IMMP2L: variants seen among roughly 807,000 people sequenced by gnomAD.
The protein encoded by IMMP2L is mitochondrial inner membrane protease subunit 2.
IMMP2L carries 18 observed loss-of-function variants against 19.3 expected under a neutral mutation model. The ratio of observed to expected loss-of-function variants is 0.93; its 90% CI spans 0.64 to 1.38. IMMP2L has a LOEUF of 1.38. IMMP2L is among the 40% of genes most tolerant of loss of function. IMMP2L has a pLI of 0.00. For synonymous variants in IMMP2L, 76 were observed against 73.0 expected (o/e 1.04, Z -0.21); for missense variants, 233 against 218.2 (o/e 1.07, Z -0.43).
At chr7:111,308,543 T>C (rs1399936638) in intron 3 of IMMP2L, among the ~76,000 whole-genome samples, 1 of 151,954 alleles carries the variant, frequency 6.6e-6, no homozygotes, top group Non-Finnish European at 1.5e-5. Flanking sequence ...AGAAAAATAT[T>C]ATAAAATTGA....
chr7:110,873,624 A>C (rs79174345), intron 5 of IMMP2L, among the ~76,000 whole-genome samples: 2 of 148,412 alleles, frequency 1.3e-5, no homozygotes, highest in Admixed American at 6.7e-5. Flanking sequence ...AAAAAAAAAA[A>C]TTAGCCAGGC....
chr7:110,675,392 T>C (rs925256442), intron 5 of IMMP2L, among the ~76,000 whole-genome samples: 3 of 152,082 alleles, frequency 2.0e-5, no homozygotes, highest in Non-Finnish European at 4.4e-5. Flanking sequence ...AGTTCTCCCA[T>C]AGTTTTTCTC....
chr7:111,338,116 A>C (rs1208401830), intron 3 of IMMP2L, among the ~76,000 whole-genome samples: 1 of 152,148 alleles, frequency 6.6e-6, no homozygotes, highest in African/African-American at 2.4e-5. Flanking sequence ...TTCATGGAGG[A>C]GGCAGGACCT....
chr7:110,963,430 C>A, intron 4 of IMMP2L, 70 bp downstream of exon 4: 1 of 1,104,708 alleles, frequency 9.1e-7, no homozygotes, highest in South Asian at 1.4e-5. Context: ...AGATGTATTT[C>A]CCAAGTAATG....
At chr7:111,533,328 C>T (rs925790729) in intron 1 of IMMP2L, among the ~76,000 whole-genome samples, 1 of 152,174 alleles carries the variant, frequency 6.6e-6, no homozygotes. Flanking sequence ...TTGGAAGACA[C>T]TGTTTTAAGA....
chr7:110,904,256 C>A (rs939204813), intron 4 of IMMP2L, among the ~76,000 whole-genome samples: 3 of 152,138 alleles, frequency 2.0e-5, no homozygotes, highest in Non-Finnish European at 4.4e-5. Flanking sequence ...TTTTAGTTGA[C>A]ATAGTGCCAC....
chr7:111,320,135 T>C (rs1346826002), intron 3 of IMMP2L, among the ~76,000 whole-genome samples: 2 of 152,120 alleles, frequency 1.3e-5, no homozygotes, highest in Middle Eastern at 3.4e-3. Context: ...CAACAATAGA[T>C]CATACCCAGG....
intron 3 of IMMP2L, among the ~76,000 whole-genome samples, chr7:111,055,116 T>A (rs950744744): frequency 2.0e-5 from 3 of 149,488 alleles, no homozygotes; most frequent in Non-Finnish European, 3.0e-5. Flanking sequence ...AGTGGTGCAA[T>A]CACGTCTCAC....
At chr7:111,251,679 T>C (rs1370758088) in intron 3 of IMMP2L, among the ~76,000 whole-genome samples, 1 of 152,056 alleles carries the variant, frequency 6.6e-6, no homozygotes, top group Non-Finnish European at 1.5e-5. Flanking sequence ...TATTTATAAA[T>C]GGGAGCTGAA....
intron 4 of IMMP2L, among the ~76,000 whole-genome samples, chr7:110,948,308 A>T (rs548594429): frequency 6.6e-6 from 1 of 152,356 alleles, no homozygotes; most frequent in South Asian, 2.1e-4. Context: ...CTTGTTCCTG[A>T]CACTATTACA....
At position 110,870,647 on chromosome 7, in the gene IMMP2L, C is replaced by A. The variant is rs1808448770; in HGVS notation, c.408+15946G>T. Among the ~76,000 whole-genome samples, 1 of 151,984 alleles carries A rather than the reference C, an allele frequency of 6.6e-6. No homozygotes were observed. Among genetic ancestry groups the A allele is most frequent in the Non-Finnish European group, 1.5e-5 (1 of 67,998 alleles). The stretch of plus-strand genomic sequence containing the variant: ...GAAGTGGGGAAAATAAAGAGCCAAC[C>A]ACACAAAGACCTAAAGGAAGAGAAT... On this transcript the variant is annotated intron_variant, in intron 5 of 5. Coordinates refer to ENST00000405709, the MANE Select transcript of IMMP2L (RefSeq NM_032549.4). The surrounding 1 kb of genome is among the most constrained non-coding windows in gnomAD (Gnocchi z 4.2).
At chr7:110,788,565 C>T (rs998600280) in intron 5 of IMMP2L, among the ~76,000 whole-genome samples, 2 of 151,730 alleles carry the variant, frequency 1.3e-5, no homozygotes, top group African/African-American at 2.4e-5. Flanking sequence ...TGCTTTCAAA[C>T]AGACAAGTGG....
intron 5 of IMMP2L, among the ~76,000 whole-genome samples, chr7:110,671,484 A>G (rs1791917536): frequency 6.6e-6 from 1 of 152,210 alleles, no homozygotes; most frequent in Non-Finnish European, 1.5e-5. Context: ...AAAGTGATCC[A>G]GGATATCAGT....
At chr7:111,149,313 A>T (rs1803821872) in intron 3 of IMMP2L, among the ~76,000 whole-genome samples, 1 of 152,186 alleles carries the variant, frequency 6.6e-6, no homozygotes, top group African/African-American at 2.4e-5. Context: ...GATATTGAAG[A>T]TGCATGTAAA....
chr7:110,947,751 T>C (rs968215451), intron 4 of IMMP2L, among the ~76,000 whole-genome samples: 1 of 152,208 alleles, frequency 6.6e-6, no homozygotes, highest in African/African-American at 2.4e-5. Context: ...TTCAGAAGTA[T>C]TCTTTGGAAG....
intron 1 of IMMP2L, among the ~76,000 whole-genome samples, chr7:111,525,615 T>C (rs1185350038): frequency 1.3e-5 from 2 of 152,006 alleles, no homozygotes. Context: ...TATGTATATA[T>C]TTTGGAAGTT....
chr7:110,768,913 A>T (rs1399581173), intron 5 of IMMP2L, among the ~76,000 whole-genome samples: 2 of 152,184 alleles, frequency 1.3e-5, no homozygotes, highest in Non-Finnish European at 2.9e-5. Flanking sequence ...TAAATGAAGG[A>T]GTTTTTTAAA....
chr7:111,010,762 T>C (rs749936146), intron 3 of IMMP2L, among the ~76,000 whole-genome samples: 1 of 152,054 alleles, frequency 6.6e-6, no homozygotes, highest in Admixed American at 6.6e-5. Flanking sequence ...CTCATGCTAG[T>C]GTGAAAGGTA....
At chr7:111,328,145 C>A (rs990397836) in intron 3 of IMMP2L, among the ~76,000 whole-genome samples, 3 of 151,660 alleles carry the variant, frequency 2.0e-5, no homozygotes, top group Non-Finnish European at 4.4e-5. Context: ...TTGAAAACAG[C>A]ACCATTAAAA....
Sources: gnomAD v4.1 joint callset for allele counts (sites outside exome capture counted in the v4.1 genomes callset) on GRCh38, gnomAD v4.1.1 for gene constraint, Gnocchi (gnomAD v3.1) non-coding constraint, MANE v1.5 for transcripts, NCBI Gene and HGNC (gene_info 2026-07-23, HGNC 2026-07-21) for gene names.